LPAR1: variants seen among roughly 807,000 people sequenced by gnomAD.
LPAR1 encodes lysophosphatidic acid receptor 1.
LPAR1 carries 5 observed loss-of-function variants against 23.8 expected under a neutral mutation model. The observed-to-expected ratio is 0.21, with a 90% CI of 0.11 to 0.44. The LOEUF (loss-of-function observed/expected upper bound fraction) is 0.44, where lower values mean the gene tolerates loss of function less well. LPAR1 is among the 20% of genes least tolerant of loss of function. The pLI, the probability that LPAR1 is intolerant of heterozygous loss-of-function variation, is 0.99. For synonymous variants in LPAR1, 160 were observed against 164.7 expected (o/e 0.97, Z 0.22); for missense variants, 311 against 482.8 (o/e 0.64, Z 3.33).
chr9:110,941,208 A>G lies in LPAR1; in HGVS notation c.793+213T>C, dbSNP rs1356737535. Among the ~76,000 whole-genome samples the G allele has an allele frequency of 6.6e-6, 1 of 152,172 alleles. No individual in the cohort carries two copies. Among genetic ancestry groups the G allele is most frequent in the African/African-American group, 2.4e-5 (1 of 41,432 alleles). ...TTTACATCATCATCATTTATACTGC[A>G]CCACTGGGACCCATGTTTCCCTAAC... On this transcript the variant is annotated intron_variant, in intron 5 of 5. Transcript: ENST00000683809. This position sits in a 1 kb window ranked among gnomAD's most constrained non-coding sequence, Gnocchi z 6.1.
intron 4 of LPAR1, among the ~76,000 whole-genome samples, chr9:110,959,935 A>T (rs1588546908): frequency 1.3e-5 from 2 of 152,230 alleles, no homozygotes; most frequent in African/African-American, 4.8e-5. Flanking sequence ...ATCTATGAAC[A>T]TAGGATTAAA....
chr9:110,928,640 G>A (rs2094200425), intron 5 of LPAR1, among the ~76,000 whole-genome samples: 1 of 152,126 alleles, frequency 6.6e-6, no homozygotes, highest in East Asian at 1.9e-4. Flanking sequence ...TTTAAAGAAT[G>A]TCTAAATAGA....
chr9:110,922,309 C>T (rs930161381), intron 5 of LPAR1, among the ~76,000 whole-genome samples: 29 of 152,208 alleles, frequency 1.9e-4, no homozygotes, highest in South Asian at 1.2e-3. Flanking sequence ...AGTAGTTCAG[C>T]GCTTCAACAT....
At chr9:110,980,836 T>C (rs2096651627) in intron 2 of LPAR1, among the ~76,000 whole-genome samples, 1 of 152,084 alleles carries the variant, frequency 6.6e-6, no homozygotes, top group Non-Finnish European at 1.5e-5. Flanking sequence ...ATATGTTAAT[T>C]GCCTTAATTT....
At chr9:110,916,934 G>A (rs1191879408) in intron 5 of LPAR1, among the ~76,000 whole-genome samples, 2 of 150,392 alleles carry the variant, frequency 1.3e-5, no homozygotes, top group East Asian at 1.9e-4. Flanking sequence ...AGGTTGTTGA[G>A]GGCAGATTAA....
chr9:110,922,823 T>A (rs980013013), intron 5 of LPAR1, among the ~76,000 whole-genome samples: 1 of 52,210 alleles, frequency 1.9e-5, no homozygotes, highest in Non-Finnish European at 3.6e-5. Context: ...GTCTTATTAT[T>A]ATATTATTAT....
At chr9:110,963,589 C>A (rs2096080407) in intron 4 of LPAR1, among the ~76,000 whole-genome samples, 1 of 152,050 alleles carries the variant, frequency 6.6e-6, no homozygotes, top group Non-Finnish European at 1.5e-5. Flanking sequence ...AGAACACCAA[C>A]ATGGCACATG....
chr9:110,921,396 A>G (rs1483002002), intron 5 of LPAR1, among the ~76,000 whole-genome samples: 2 of 152,258 alleles, frequency 1.3e-5, no homozygotes, highest in Non-Finnish European at 2.9e-5. Flanking sequence ...AAGACATTAA[A>G]ATAGTTAAAA....
chr9:111,023,580 C>T lies in LPAR1; in HGVS notation c.-182+12542G>A, dbSNP rs145741148. ...CTATGCTTCATGCCACCAGTGATAA[C>T]GACTGCTTTACTCATCACTCTATTC... On this transcript the variant is annotated intron_variant, in intron 2 of 5. Transcript: ENST00000683809. Among the ~76,000 whole-genome samples the T allele has an allele frequency of 4.0e-3, 613 of 151,958 alleles. 6 individuals carry two copies. The highest frequency in any genetic ancestry group is 0.014 in the African/African-American group (571 of 41,464).
At chr9:110,991,774 G>A (rs1228425378) in intron 2 of LPAR1, among the ~76,000 whole-genome samples, 1 of 151,962 alleles carries the variant, frequency 6.6e-6, no homozygotes, top group African/African-American at 2.4e-5. Context: ...TGTATTTTTA[G>A]TAGAGATGGG....
intron 5 of LPAR1, among the ~76,000 whole-genome samples, chr9:110,902,373 C>T (rs915763279): frequency 6.6e-6 from 1 of 152,060 alleles, no homozygotes; most frequent in South Asian, 2.1e-4. Flanking sequence ...GGGGTGGATA[C>T]CCTCATGCTG....
intron 5 of LPAR1, among the ~76,000 whole-genome samples, chr9:110,927,271 T>C (rs760786162): frequency 6.6e-5 from 10 of 151,678 alleles, no homozygotes; most frequent in Non-Finnish European, 1.3e-4. Context: ...GCTCTATAAG[T>C]AGCAGCTGCG....
rs1369895078 is a variant in LPAR1, at chr9:111,038,328, G to C, written c.-423C>G. On this transcript the variant is annotated 5_prime_UTR_variant, in exon 1 of 6. Transcript: ENST00000683809. The surrounding 1 kb of genome is among the most constrained non-coding windows in gnomAD (Gnocchi z 4.4). ...CGGGGCCGCCCCCTGCGCCCACCCCGCCGGGGTCCCGTGCTCGGCCGGGCG... is the reference window on the plus strand; with the variant it reads ...CGGGGCCGCCCCCTGCGCCCACCCCCCCGGGGTCCCGTGCTCGGCCGGGCG... The C allele has an allele frequency of 6.7e-6, 1 of 149,128 alleles. No individual in the cohort carries two copies. The highest frequency in any genetic ancestry group is 1.5e-5 in the Non-Finnish European group (1 of 67,358). 9.2% of individuals were successfully genotyped at this position (149,128 alleles called of 1,614,324 possible).
chr9:111,012,467 G>GCA (rs2097350867), intron 2 of LPAR1, among the ~76,000 whole-genome samples: 1 of 112,314 alleles, frequency 8.9e-6, no homozygotes, highest in African/African-American at 3.4e-5. Context: ...GTACGCACGC[G>GCA]CGCACACACA....
intron 2 of LPAR1, among the ~76,000 whole-genome samples, chr9:111,032,207 AC>A: frequency 2.0e-5 from 3 of 152,284 alleles, no homozygotes; most frequent in African/African-American, 7.2e-5. Context: ...ACTTTGACCT[AC>A]CCAGGAGTAG....
At chr9:111,005,377 G>A (rs971607441) in intron 2 of LPAR1, among the ~76,000 whole-genome samples, 1 of 150,848 alleles carries the variant, frequency 6.6e-6, no homozygotes, top group African/African-American at 2.4e-5. Context: ...AGACCAGCCT[G>A]GGCAACATGG....
Position 110,982,855 on chromosome 9 carries a change from T to C in LPAR1, c.-181-9297A>G, listed in dbSNP as rs866846474. Among the ~76,000 whole-genome samples, 53 of 92,720 alleles carry C rather than the reference T, an allele frequency of 5.7e-4. No homozygotes were observed. The Middle Eastern group carries it at 0.016, about 28-fold the overall frequency. 60.8% of individuals were successfully genotyped at this position (92,720 alleles called of 152,430 possible). A position where few individuals can be genotyped will look rare whatever the true frequency, so the allele number is the denominator to read the frequency against. ...GTAGACACTTCTACAAAAATGTATA[T>C]ACACATACACACACACACACACACA... On this transcript the variant is annotated intron_variant, in intron 2 of 5. Transcript: ENST00000683809.
At chr9:110,966,888 T>C (rs2137807775) in intron 4 of LPAR1, among the ~76,000 whole-genome samples, 1 of 152,318 alleles carries the variant, frequency 6.6e-6, no homozygotes, top group Admixed American at 6.5e-5. Context: ...ATGAAACTTT[T>C]AATCCAACTT....
intron 5 of LPAR1, among the ~76,000 whole-genome samples, chr9:110,888,297 A>G (rs1396694081): frequency 6.6e-6 from 1 of 152,192 alleles, no homozygotes; most frequent in African/African-American, 2.4e-5. Flanking sequence ...TACTACTTCC[A>G]ATTTGGCTCC....
Sources: allele counts gnomAD v4.1 joint callset (sites outside exome capture counted in the v4.1 genomes callset), GRCh38; gene constraint gnomAD v4.1.1; non-coding constraint Gnocchi (gnomAD v3.1); transcripts MANE v1.5; gene names NCBI Gene and HGNC (gene_info 2026-07-23, HGNC 2026-07-21).